The following NELL1 variants were observed in gnomAD, a reference collection of about 807,000 sequenced individuals.
The protein encoded by NELL1 is protein kinase C-binding protein NELL1.
NELL1 carries 76 observed loss-of-function variants against 107.4 expected under a neutral mutation model. The observed-to-expected ratio is 0.71, with a 90% CI of 0.59 to 0.86. The LOEUF is 0.86. Among genes scored for constraint, NELL1 ranks in the 40% least tolerant of loss-of-function variants. The pLI is 0.00. For missense variants in NELL1, 1,024 were observed against 1,005.5 expected (o/e 1.02, Z -0.25); for synonymous variants, 353 against 341.2 (o/e 1.03, Z -0.38).
chr11:20,689,413 C>A (rs1171071476), intron 2 of NELL1, among the ~76,000 whole-genome samples: 1 of 148,882 alleles, frequency 6.7e-6, no homozygotes, highest in Non-Finnish European at 1.5e-5. Flanking sequence ...TTAGGCATAT[C>A]TCCTAATGCT....
At chr11:20,972,129 A>G (rs1851514065) in intron 12 of NELL1, among the ~76,000 whole-genome samples, 1 of 152,186 alleles carries the variant, frequency 6.6e-6, no homozygotes, top group Non-Finnish European at 1.5e-5. Context: ...GCAAACCACC[A>G]TGGCATATGT....
At chr11:20,915,932 A>C (rs1850246282) in intron 5 of NELL1, among the ~76,000 whole-genome samples, 1 of 151,350 alleles carries the variant, frequency 6.6e-6, no homozygotes, top group African/African-American at 2.4e-5. Context: ...ATATACATAA[A>C]TGTGTGTAGT....
intron 12 of NELL1, among the ~76,000 whole-genome samples, chr11:20,961,805 G>A (rs992484055): frequency 6.6e-6 from 1 of 150,780 alleles, no homozygotes; most frequent in Non-Finnish European, 1.5e-5. Flanking sequence ...GTGTAGATTT[G>A]GGTATACACA....
At chr11:21,461,608 T>G (rs1004362645) in intron 15 of NELL1, among the ~76,000 whole-genome samples, 1 of 152,080 alleles carries the variant, frequency 6.6e-6, no homozygotes, top group Non-Finnish European at 1.5e-5. Context: ...ACTATAGACT[T>G]TAACTATAAA....
chr11:20,959,093 A>G (rs561695076), intron 11 of NELL1, among the ~76,000 whole-genome samples: 5 of 152,344 alleles, frequency 3.3e-5, no homozygotes, highest in East Asian at 1.9e-4. Context: ...CCTTTGTTGA[A>G]TGAATGAACC....
chr11:20,917,875 G>A (rs1354665186), intron 5 of NELL1, among the ~76,000 whole-genome samples: 1 of 151,954 alleles, frequency 6.6e-6, no homozygotes, highest in Non-Finnish European at 1.5e-5. Context: ...ATTCCAGGAT[G>A]ATTAGGGCAT....
chr11:20,841,688 T>G (rs568118283), intron 3 of NELL1, among the ~76,000 whole-genome samples: 1 of 152,312 alleles, frequency 6.6e-6, no homozygotes, highest in South Asian at 2.1e-4. Context: ...CTCCAATTTA[T>G]GTAATAGATG....
At chr11:21,033,913 A>G (rs1853024868) in intron 12 of NELL1, among the ~76,000 whole-genome samples, 2 of 151,994 alleles carry the variant, frequency 1.3e-5, no homozygotes, top group African/African-American at 4.8e-5. Flanking sequence ...TGTTTTTTGG[A>G]CTTTTTAATG....
chr11:21,107,103 G>C (rs1371318984), intron 12 of NELL1, among the ~76,000 whole-genome samples: 1 of 152,120 alleles, frequency 6.6e-6, no homozygotes, highest in East Asian at 1.9e-4. Flanking sequence ...TCCCTCACCT[G>C]AGTGGAACAT....
chr11:20,909,328 A>C (rs1299682849), intron 5 of NELL1, among the ~76,000 whole-genome samples: 2 of 152,204 alleles, frequency 1.3e-5, no homozygotes, highest in East Asian at 1.9e-4. Context: ...AAAATTTTAA[A>C]AAAACAAAAC....
intron 15 of NELL1, among the ~76,000 whole-genome samples, chr11:21,450,222 A>G (rs768824406): frequency 1.3e-5 from 2 of 152,224 alleles, no homozygotes; most frequent in African/African-American, 2.4e-5. Flanking sequence ...TCTGATAGCA[A>G]AACTCAGAAA....
At chr11:21,180,384 G>A (rs1453069214) in intron 13 of NELL1, among the ~76,000 whole-genome samples, 1 of 151,654 alleles carries the variant, frequency 6.6e-6, no homozygotes, top group Non-Finnish European at 1.5e-5. Context: ...ATTTGTGCCT[G>A]ATTCTGTTTG....
At chr11:21,373,505 AT>A (rs771872208) in intron 15 of NELL1, among the ~76,000 whole-genome samples, 29 of 152,092 alleles carry the variant, frequency 1.9e-4, no homozygotes, top group Non-Finnish European at 3.2e-4. Context: ...GAATCCACTT[AT>A]GTTTAGTCTG....
chr11:21,118,741 C>T (rs926059543), intron 13 of NELL1, among the ~76,000 whole-genome samples: 4 of 151,984 alleles, frequency 2.6e-5, no homozygotes, highest in African/African-American at 9.7e-5. Flanking sequence ...CAATCAGTAC[C>T]TGCTGACGCT....
chr11:21,233,808 A>G (rs1858127185), intron 14 of NELL1, among the ~76,000 whole-genome samples: 1 of 152,346 alleles, frequency 6.6e-6, no homozygotes, highest in African/African-American at 2.4e-5. Flanking sequence ...CTGATAGACT[A>G]TGTCTTCTCT....
intron 12 of NELL1, among the ~76,000 whole-genome samples, chr11:21,022,965 G>A (rs1852735313): frequency 2.0e-5 from 3 of 152,078 alleles, no homozygotes; most frequent in Admixed American, 1.3e-4. Flanking sequence ...AGGGCCACAT[G>A]AGGAGTGGGG....
At chr11:20,974,834 C>T (rs1851572050) in intron 12 of NELL1, among the ~76,000 whole-genome samples, 1 of 152,108 alleles carries the variant, frequency 6.6e-6, no homozygotes, top group Non-Finnish European at 1.5e-5. Context: ...CTTAGAAATG[C>T]TTAAATTTAA....
intron 14 of NELL1, among the ~76,000 whole-genome samples, chr11:21,277,480 A>T (rs919681235): frequency 3.3e-5 from 5 of 151,808 alleles, no homozygotes; most frequent in African/African-American, 9.7e-5. Flanking sequence ...CCATTGTGGA[A>T]GTCAGTGTGG....
chr11:20,815,577 G>A (rs1400056611), intron 3 of NELL1, among the ~76,000 whole-genome samples: 1 of 152,090 alleles, frequency 6.6e-6, no homozygotes, highest in Non-Finnish European at 1.5e-5. Context: ...TACATAGTTT[G>A]CAAATATTTT....
Sources: allele counts gnomAD v4.1 joint callset (sites outside exome capture counted in the v4.1 genomes callset), GRCh38; gene constraint gnomAD v4.1.1; transcripts MANE v1.5; gene names NCBI Gene and HGNC (gene_info 2026-07-23, HGNC 2026-07-21).